Variants in SLC28A3 observed in about 807,000 individuals in gnomAD.
The protein encoded by SLC28A3 is solute carrier family 28 member 3.
A neutral mutation model predicts 84.2 loss-of-function variants in SLC28A3; 68 were observed. The observed-to-expected ratio is 0.81, with a 90% confidence interval of 0.66 to 0.99. The LOEUF is 0.99. SLC28A3 is among the 50% of genes least tolerant of loss of function. The probability of loss-of-function intolerance (pLI) is 0.00; values close to 1 mark genes in which losing one functional copy is unlikely to be tolerated. For missense variants in SLC28A3, 712 were observed against 841.5 expected (o/e 0.85, Z 1.90); for synonymous variants, 267 against 303.6 (o/e 0.88, Z 1.25).
chr9:84,313,531 A>G, intron 1 of SLC28A3, 77 bp from the exon 2 acceptor site: 1 of 1,116,198 alleles, frequency 9.0e-7, no homozygotes, highest in South Asian at 1.4e-5. Flanking sequence ...AAATACCTAG[A>G]GGAATTTGGA....
In SLC28A3 at chr9:84,275,928, A is replaced by G. The variant is rs1300126418; in HGVS notation, c.*2290T>C. 1 of 152,248 alleles carries G rather than the reference A, an allele frequency of 6.6e-6. No homozygotes were observed. The highest frequency in any genetic ancestry group is 6.5e-5 in the Admixed American group (1 of 15,278). 9.4% of individuals were successfully genotyped at this position (152,248 alleles called of 1,614,324 possible). A position where few individuals can be genotyped will look rare whatever the true frequency, so the allele number is the denominator to read the frequency against. On this transcript the variant is annotated 3_prime_UTR_variant, in exon 18 of 18. Transcript: ENST00000376238. Reference sequence around the variant, plus strand: ...GTCATATCAAAGCAGGTAAAAATTAAGACAACATATTTCTCCAAAAACCAG... The same window carrying G: ...GTCATATCAAAGCAGGTAAAAATTAGGACAACATATTTCTCCAAAAACCAG...
intron 2 of SLC28A3, chr9:84,310,656 T>C (rs760468640): frequency 7.6e-5 from 71 of 937,794 alleles, no homozygotes; most frequent in Non-Finnish European, 8.6e-5. Flanking sequence ...AAAAATCCTA[T>C]AATTCCACGA....
At chr9:84,327,679 C>T (rs543104608) in intron 1 of SLC28A3, among the ~76,000 whole-genome samples, 2 of 152,244 alleles carry the variant, frequency 1.3e-5, no homozygotes, top group East Asian at 1.9e-4. Flanking sequence ...GTAATCCCAG[C>T]ACTTTGGGAG....
At chr9:84,285,605 A>C in intron 13 of SLC28A3, 63 bp from the exon 14 acceptor site, 1 of 1,544,208 alleles carries the variant, frequency 6.5e-7, no homozygotes, top group African/African-American at 1.4e-5. Flanking sequence ...TTGCCTCCTC[A>C]GTGACAACAC....
At chr9:84,355,710 G>A in the SLC28A3 span, among the ~76,000 whole-genome samples, 24 of 152,070 alleles carry the variant, frequency 1.6e-4, no homozygotes, top group Admixed American at 5.9e-4. Context: ...AGGATCTAAC[G>A]AGAATACTTG....
At chr9:84,364,394 C>A in the SLC28A3 span, among the ~76,000 whole-genome samples, 1 of 152,044 alleles carries the variant, frequency 6.6e-6, no homozygotes, top group African/African-American at 2.4e-5. Flanking sequence ...CCACGCCTGA[C>A]CTTTGTTTTG....
intron 8 of SLC28A3, among the ~76,000 whole-genome samples, chr9:84,294,960 C>A (rs1191137691): frequency 6.6e-6 from 1 of 152,052 alleles, no homozygotes; most frequent in Non-Finnish European, 1.5e-5. Flanking sequence ...GTGGAGGTTG[C>A]TGGGGGAGGT....
chr9:84,307,850 A>AT (rs1825856235), intron 3 of SLC28A3, among the ~76,000 whole-genome samples: 1 of 152,190 alleles, frequency 6.6e-6, no homozygotes, highest in African/African-American at 2.4e-5. Context: ...CACTTTGGTC[A>AT]TTTGGTTATC....
At position 84,313,422 on chromosome 9, in the gene SLC28A3, T is replaced by C; in HGVS notation, c.93A>G (p.Thr31=). The change falls in exon 2 of 18, where the codon ACA becomes ACG. Residue 31 remains threonine, a synonymous_variant. Transcript: ENST00000376238. ...TGCTTCTTATTGAGTTGTTTCCTGA[T>C]GTGTTCTCGTTCTCAAGAAAGTTTT... ...NEENFLENEN[T]SGNNSIRSRA... is the part of the protein sequence containing the mutation. 3 of 1,614,114 alleles carry C rather than the reference T, an allele frequency of 1.9e-6. No individual in the cohort carries two copies. Among genetic ancestry groups the C allele is most frequent in the Non-Finnish European group, 2.5e-6 (3 of 1,179,978 alleles).
intron 6 of SLC28A3, among the ~76,000 whole-genome samples, chr9:84,298,350 G>A (rs922958407): frequency 7.9e-5 from 12 of 152,052 alleles, no homozygotes; most frequent in African/African-American, 2.9e-4. Context: ...AGCCAGGCGT[G>A]GTGGTGAATG....
chr9:84,282,869 G>A (rs1176298179), intron 14 of SLC28A3, among the ~76,000 whole-genome samples: 1 of 152,120 alleles, frequency 6.6e-6, no homozygotes, highest in Non-Finnish European at 1.5e-5. Flanking sequence ...TGATTCCAAG[G>A]CCCCTCTTCT....
At chr9:84,332,883 A>T (rs1039644064) in intron 1 of SLC28A3, among the ~76,000 whole-genome samples, 19 of 152,218 alleles carry the variant, frequency 1.2e-4, no homozygotes, top group Non-Finnish European at 1.9e-4. Context: ...TTTGTTCCTC[A>T]GAATATTCCA....
intron 5 of SLC28A3, among the ~76,000 whole-genome samples, chr9:84,301,090 C>T (rs1825610253): frequency 6.6e-6 from 1 of 151,996 alleles, no homozygotes; most frequent in Non-Finnish European, 1.5e-5. Context: ...TGGCTGACAC[C>T]TATAATCCCA....
At chr9:84,327,925 CAAAAAA>C (rs60624658) in intron 1 of SLC28A3, among the ~76,000 whole-genome samples, 21 of 107,358 alleles carry the variant, frequency 2.0e-4, no homozygotes, top group Admixed American at 2.2e-4. Flanking sequence ...GACTCCATTT[CAAAAAA>C]AAAAAAAAAA....
chr9:84,348,375 C>T, the SLC28A3 span, among the ~76,000 whole-genome samples: 2 of 147,662 alleles, frequency 1.4e-5, no homozygotes, highest in Non-Finnish European at 3.0e-5. Flanking sequence ...AAAAAAAATG[C>T]AGGCTCTGAA....
chr9:84,298,057 A>G, intron 6 of SLC28A3, 38 bp from the exon 7 acceptor site: 1 of 1,532,242 alleles, frequency 6.5e-7, no homozygotes, highest in Non-Finnish European at 9.0e-7. Context: ...TTAGTAGGAA[A>G]ATTAATGCAG....
chr9:84,304,226 A>C (rs778467553), intron 4 of SLC28A3, among the ~76,000 whole-genome samples: 5 of 152,230 alleles, frequency 3.3e-5, no homozygotes, highest in Non-Finnish European at 7.3e-5. Context: ...TGTCTGAAAT[A>C]CTGAAAAGCC....
chr9:84,359,569 CATATTAGGGAG>C, the SLC28A3 span, among the ~76,000 whole-genome samples: 2 of 152,082 alleles, frequency 1.3e-5, no homozygotes, highest in African/African-American at 4.8e-5. Context: ...CATTTGTGGG[CATATTAGGGAG>C]AAAGCATGCA....
chr9:84,310,294 T>C, intron 2 of SLC28A3: 1 of 589,208 alleles, frequency 1.7e-6, no homozygotes, highest in Non-Finnish European at 2.1e-6. Context: ...TCTAATTAAT[T>C]GAGTGTAGGA....
Sources: allele counts gnomAD v4.1 joint callset (sites outside exome capture counted in the v4.1 genomes callset), GRCh38; gene constraint gnomAD v4.1.1; transcripts MANE v1.5; gene names NCBI Gene and HGNC (gene_info 2026-07-23, HGNC 2026-07-21).